The following RIMS2 variants were observed in gnomAD, a reference collection of about 807,000 sequenced individuals.
RIMS2 encodes the protein regulating synaptic membrane exocytosis 2, also known as regulating synaptic membrane exocytosis protein 2.
Under a neutral mutation model 174.4 loss-of-function variants are expected in RIMS2, and 59 were observed. The observed-to-expected ratio is 0.34, with a 90% CI of 0.27 to 0.42. RIMS2 has a LOEUF of 0.42. Among genes scored for constraint, RIMS2 ranks in the 10% least tolerant of loss-of-function variants. The probability of loss-of-function intolerance (pLI) is 1.00; values close to 1 mark genes in which losing one functional copy is unlikely to be tolerated. For synonymous variants in RIMS2, 606 were observed against 572.5 expected, an observed-to-expected ratio of 1.06 and a Z score of -0.84; for missense variants, 1,620 against 1,666.3, an observed-to-expected ratio of 0.97 and a Z score of 0.48.
intron 4 of RIMS2, among the ~76,000 whole-genome samples, chr8:103,889,483 T>C (rs1393772241): frequency 1.3e-5 from 2 of 151,794 alleles, no homozygotes; most frequent in Non-Finnish European, 3.0e-5. Context: ...TAACCAACAC[T>C]TTATAAATAG....
At chr8:103,729,845 A>T (rs1283295433) in intron 2 of RIMS2, among the ~76,000 whole-genome samples, 4 of 152,152 alleles carry the variant, frequency 2.6e-5, no homozygotes, top group Non-Finnish European at 4.4e-5. Context: ...ATGTGCTCAC[A>T]TGGTTTGTAA....
chr8:104,032,857 A>G (rs28494837), intron 19 of RIMS2, among the ~76,000 whole-genome samples: 38,418 of 151,834 alleles, frequency 0.25, 5,273 homozygotes, highest in African/African-American at 0.35. Flanking sequence ...TCTGTATTCC[A>G]AACATTATAC....
rs111601890 is a variant in RIMS2, at chr8:104,031,792, T to C, written c.3334+17177T>C. 4.1e-4 allele frequency among the ~76,000 whole-genome samples: 63 copies of C among 152,214 alleles called. 1 individual carries two copies. Among genetic ancestry groups the C allele is most frequent in the African/African-American group, 1.4e-3 (59 of 41,570 alleles). On this transcript the variant is annotated intron_variant, in intron 19 of 23. Coordinates refer to ENST00000504942, the Ensembl canonical transcript of RIMS2. ...CAGGTTTGTCAGGGTTTGGAAACCA[T>C]ATGAAAGCATGAGACTACAAGCATT...
At chr8:103,636,258 G>T (rs1023964859) in intron 1 of RIMS2, among the ~76,000 whole-genome samples, 2 of 152,144 alleles carry the variant, frequency 1.3e-5, no homozygotes, top group African/African-American at 4.8e-5. Flanking sequence ...CAGTGCCCTG[G>T]AGTCAGTCTC....
At chr8:103,681,712 A>G (rs1441379778) in intron 1 of RIMS2, among the ~76,000 whole-genome samples, 1 of 152,132 alleles carries the variant, frequency 6.6e-6, no homozygotes, top group African/African-American at 2.4e-5. Flanking sequence ...CCAAGGTTTT[A>G]TAGGTCCTCA....
chr8:103,578,410 A>T (rs2093393659), intron 1 of RIMS2, among the ~76,000 whole-genome samples: 1 of 152,138 alleles, frequency 6.6e-6, no homozygotes, highest in South Asian at 2.1e-4. Flanking sequence ...GTGCACCTGT[A>T]ATCCCAGCTA....
At chr8:103,531,250 A>C (rs1449276283) in intron 1 of RIMS2, among the ~76,000 whole-genome samples, 1 of 152,108 alleles carries the variant, frequency 6.6e-6, no homozygotes, top group African/African-American at 2.4e-5. Context: ...ACCAAAATCG[A>C]CCATCTCCTA....
At chr8:103,507,688 AAG>A (rs1824337705) in intron 1 of RIMS2, among the ~76,000 whole-genome samples, 1 of 152,126 alleles carries the variant, frequency 6.6e-6, no homozygotes, top group Non-Finnish European at 1.5e-5. Flanking sequence ...CTTTTGGACT[AAG>A]AGCATATCTT....
intron 19 of RIMS2, among the ~76,000 whole-genome samples, chr8:104,025,901 C>A (rs1278634295): frequency 2.6e-5 from 4 of 152,074 alleles, no homozygotes; most frequent in African/African-American, 7.2e-5. Context: ...AGTATGGTAA[C>A]AAGCTGTACA....
chr8:104,013,664 C>T lies in RIMS2; in HGVS notation c.3224+43C>T, dbSNP rs765440968. 2.4e-5 allele frequency: 37 copies of T among 1,522,560 alleles called. 1 individual carries two copies. In the East Asian group the frequency reaches 8.3e-4, roughly 34 times the overall value. The allele number at this position is 1,522,560 out of a possible 1,614,324, so 94.3% of individuals were successfully genotyped here. ...CAGACTAATTTCCCCTTTGCCCCAC[C>T]AGCACACCATTTTATTTTCCCAACA... On this transcript the variant is annotated intron_variant, in intron 18 of 23. Transcript: ENST00000504942.
intron 1 of RIMS2, among the ~76,000 whole-genome samples, chr8:103,601,057 T>C (rs1403842217): frequency 1.3e-5 from 2 of 152,232 alleles, no homozygotes; most frequent in Admixed American, 1.3e-4. Context: ...AATGGATTAT[T>C]AGATTCTTTT....
chr8:104,187,086 T>A (rs561868100), intron 19 of RIMS2, among the ~76,000 whole-genome samples: 1 of 151,858 alleles, frequency 6.6e-6, no homozygotes, highest in Non-Finnish European at 1.5e-5. Context: ...TCAAGTTATA[T>A]GATTTTAATA....
intron 1 of RIMS2, among the ~76,000 whole-genome samples, chr8:103,643,771 G>A (rs779958470): frequency 1.7e-4 from 25 of 150,102 alleles, no homozygotes; most frequent in Non-Finnish European, 3.3e-4. Flanking sequence ...AGAGGCATCT[G>A]ATAGTTCTGT....
intron 1 of RIMS2, among the ~76,000 whole-genome samples, chr8:103,695,909 A>G (rs1349204752): frequency 1.3e-5 from 2 of 152,110 alleles, no homozygotes; most frequent in Non-Finnish European, 2.9e-5. Context: ...CAGTTTGACT[A>G]TGAAGGCAGA....
intron 1 of RIMS2, among the ~76,000 whole-genome samples, chr8:103,685,284 G>C (rs936066929): frequency 6.6e-6 from 1 of 152,134 alleles, no homozygotes; most frequent in African/African-American, 2.4e-5. Flanking sequence ...TCCATTCATG[G>C]TGGAAGGCAA....
At chr8:104,132,879 T>A (rs4734746) in intron 19 of RIMS2, among the ~76,000 whole-genome samples, 84,456 of 152,090 alleles carry the variant, frequency 0.56, 26,155 homozygotes, top group East Asian at 0.92. Context: ...CTGCACCATC[T>A]GCATCACCTG....
At chr8:103,558,060 T>C (rs2090840103) in intron 1 of RIMS2, among the ~76,000 whole-genome samples, 1 of 152,176 alleles carries the variant, frequency 6.6e-6, no homozygotes, top group Non-Finnish European at 1.5e-5. Context: ...ACCTTTATTT[T>C]TTATTTTATT....
chr8:103,975,385 A>G, exon 16 of RIMS2: 1 of 1,613,194 alleles, frequency 6.2e-7, no homozygotes, highest in Non-Finnish European at 8.5e-7. Flanking sequence ...TCAAAGCTCA[A>G]CATTATCAGT....
chr8:103,510,131 T>G (rs980954901), intron 1 of RIMS2, among the ~76,000 whole-genome samples: 2 of 152,170 alleles, frequency 1.3e-5, no homozygotes, highest in African/African-American at 2.4e-5. Flanking sequence ...TTTGGTAGTT[T>G]CTTGTATCCT....
Sources: allele counts gnomAD v4.1 joint callset (sites outside exome capture counted in the v4.1 genomes callset), GRCh38; gene constraint gnomAD v4.1.1; transcripts MANE v1.5; gene names NCBI Gene and HGNC (gene_info 2026-07-23, HGNC 2026-07-21).